TMEM178A: variants seen among roughly 807,000 people sequenced by gnomAD.
TMEM178A encodes transmembrane protein 178.
In TMEM178A, 12 loss-of-function variants were observed where a neutral mutation model predicts 29.1. That is an observed-to-expected ratio of 0.41 (90% confidence interval 0.26 to 0.67). TMEM178A has a LOEUF of 0.67. Ranked by LOEUF, TMEM178A falls within the 30% of genes least tolerant of loss-of-function variation. The probability of loss-of-function intolerance (pLI) is 0.29; values close to 1 mark genes in which losing one functional copy is unlikely to be tolerated. For synonymous variants in TMEM178A, 210 were observed against 187.2 expected (o/e 1.12, Z -0.99); for missense variants, 366 against 419.1 (o/e 0.87, Z 1.11).
At chr2:39,715,957 A>G (rs1447888546) in intron 3 of TMEM178A, among the ~76,000 whole-genome samples, 2 of 152,190 alleles carry the variant, frequency 1.3e-5, no homozygotes, top group African/African-American at 4.8e-5. Flanking sequence ...CTCTCTTTTC[A>G]GTTTCAAAAT....
At chr2:39,668,307 C>T (rs1455144959) in intron 1 of TMEM178A, among the ~76,000 whole-genome samples, 4 of 152,174 alleles carry the variant, frequency 2.6e-5, no homozygotes, top group South Asian at 2.1e-4. Context: ...CTCATATACT[C>T]GTTAAAAGAA....
At chr2:39,667,104 C>T (rs1382929393) in intron 1 of TMEM178A, among the ~76,000 whole-genome samples, 1 of 152,230 alleles carries the variant, frequency 6.6e-6, no homozygotes, top group Non-Finnish European at 1.5e-5. Context: ...CCCCATACCC[C>T]CACCCTCCTC....
chr2:39,677,688 A>G (rs906894019), intron 1 of TMEM178A, among the ~76,000 whole-genome samples: 1 of 152,122 alleles, frequency 6.6e-6, no homozygotes, highest in Non-Finnish European at 1.5e-5. Context: ...CTCAGCAGGA[A>G]TGTTCAAGTC....
At chr2:39,679,785 A>C (rs955536979) in intron 1 of TMEM178A, among the ~76,000 whole-genome samples, 1 of 152,186 alleles carries the variant, frequency 6.6e-6, no homozygotes, top group Non-Finnish European at 1.5e-5. Context: ...AATTCCAGTT[A>C]CATACTTTCC....
chr2:39,720,073 T>A (rs745759066), downstream of TMEM178A, among the ~76,000 whole-genome samples: 3 of 152,198 alleles, frequency 2.0e-5, no homozygotes, highest in Non-Finnish European at 4.4e-5. Flanking sequence ...CCTAAATTGT[T>A]TTGTAAGTCC....
chr2:39,671,723 C>G (rs889080639), intron 1 of TMEM178A, among the ~76,000 whole-genome samples: 6 of 152,108 alleles, frequency 3.9e-5, no homozygotes, highest in African/African-American at 1.4e-4. Context: ...ATATATATAA[C>G]TAGAAGTTCA....
chr2:39,690,741 C>T (rs1671278900), intron 1 of TMEM178A, among the ~76,000 whole-genome samples: 1 of 152,172 alleles, frequency 6.6e-6, no homozygotes, highest in African/African-American at 2.4e-5. Context: ...TAGCTGGCCC[C>T]AAAGAGGTGA....
intron 1 of TMEM178A, among the ~76,000 whole-genome samples, chr2:39,680,354 T>C (rs1214927605): frequency 6.6e-6 from 1 of 152,198 alleles, no homozygotes; most frequent in East Asian, 1.9e-4. Context: ...AGGGCCTTTT[T>C]CGGTTTTCAA....
intron 1 of TMEM178A, among the ~76,000 whole-genome samples, chr2:39,672,693 G>A (rs1670455796): frequency 6.6e-6 from 1 of 151,802 alleles, no homozygotes; most frequent in African/African-American, 2.4e-5. Flanking sequence ...AGCACACCTG[G>A]CTGATTTAAA....
At chr2:39,714,524 A>C (rs1485459901) in intron 3 of TMEM178A, among the ~76,000 whole-genome samples, 1 of 152,188 alleles carries the variant, frequency 6.6e-6, no homozygotes, top group Non-Finnish European at 1.5e-5. Context: ...CTACAGATTT[A>C]GCTTTAGGGA....
chr2:39,677,751 C>G (rs967643601), intron 1 of TMEM178A, among the ~76,000 whole-genome samples: 10 of 150,150 alleles, frequency 6.7e-5, no homozygotes, highest in East Asian at 3.9e-4. Context: ...TCTTGGACCT[C>G]TCGTTCGACA....
At chr2:39,696,542 G>C (rs116734920) in intron 1 of TMEM178A, among the ~76,000 whole-genome samples, 388 of 152,208 alleles carry the variant, frequency 2.5e-3, no homozygotes, top group African/African-American at 8.8e-3. Flanking sequence ...ACAGACGAGG[G>C]AACCAAGGCT....
In TMEM178A at chr2:39,666,134, G is replaced by A. The variant is rs1342108298; in HGVS notation, c.160G>A (p.Asp54Asn). The change falls in exon 1 of 4, where the codon GAC (aspartate) becomes AAC (asparagine). Residue 54 changes from aspartate to asparagine, a missense_variant. Around this residue, in one of 2 missense-constraint regions of TMEM178A, gnomAD observed 247 missense variants for 246.8 expected, o/e 1.00. Transcript: ENST00000281961. The stretch of plus-strand genomic sequence containing the variant: ...CAGCCGCGCGGGCGCCGACCCCCCG[G>A]ACCAGAAGAACCGCCTGATGCCGCT... ...ERSRAGADPP[D>N]QKNRLMPLSH... 4 of 1,539,882 alleles carry A rather than the reference G, an allele frequency of 2.6e-6. No individual in the cohort carries two copies.
At chr2:39,732,539 C>G in the TMEM178A span, among the ~76,000 whole-genome samples, 1 of 152,174 alleles carries the variant, frequency 6.6e-6, no homozygotes, top group Admixed American at 6.5e-5. Flanking sequence ...ATATGGTCAC[C>G]TAGTGTCCCA....
Position 39,669,341 on chromosome 2 carries a change from G to A in TMEM178A, c.400+2967G>A, listed in dbSNP as rs13430276. On this transcript the variant is annotated intron_variant, in intron 1 of 3. Coordinates refer to ENST00000281961, the MANE Select transcript of TMEM178A (RefSeq NM_152390.3). ...GGAATTATTTACATTTCCTATTACT[G>A]GAGGCAAGACAAGAGAGATATATTT... 9.3e-3 allele frequency among the ~76,000 whole-genome samples: 1,417 copies of A among 152,262 alleles called. 26 individuals carry two copies. The highest frequency in any genetic ancestry group is 0.033 in the African/African-American group (1,353 of 41,546).
chr2:39,667,213 C>G (rs1463819514), intron 1 of TMEM178A, among the ~76,000 whole-genome samples: 3 of 152,156 alleles, frequency 2.0e-5, no homozygotes, highest in African/African-American at 7.2e-5. Context: ...GTCTTCTGTT[C>G]GTGGTACCTT....
the TMEM178A span, among the ~76,000 whole-genome samples, chr2:39,734,364 C>G: frequency 6.6e-6 from 1 of 152,212 alleles, no homozygotes. Context: ...TTCTATTTCA[C>G]TGGTTGTTCC....
At chr2:39,732,279 C>A in the TMEM178A span, among the ~76,000 whole-genome samples, 1 of 152,170 alleles carries the variant, frequency 6.6e-6, no homozygotes, top group African/African-American at 2.4e-5. Context: ...TATTTGACTT[C>A]TTTTCTCCTT....
At chr2:39,723,318 T>C in the TMEM178A span, among the ~76,000 whole-genome samples, 2 of 152,216 alleles carry the variant, frequency 1.3e-5, no homozygotes, top group African/African-American at 2.4e-5. Context: ...TAAAATGAAC[T>C]TAAAGACCTG....
Sources: allele counts gnomAD v4.1 joint callset (sites outside exome capture counted in the v4.1 genomes callset), GRCh38; gene constraint gnomAD v4.1.1; regional missense constraint gnomAD v4.1.1; transcripts MANE v1.5; gene names NCBI Gene and HGNC (gene_info 2026-07-23, HGNC 2026-07-21).